SPDYE2B: variants seen among roughly 807,000 people sequenced by gnomAD.
SPDYE2B encodes speedy protein E2B.
At chr7:102,659,346 AT>A (rs1232811220) in intron 6 of SPDYE2B, among the ~76,000 whole-genome samples, 2 of 152,134 alleles carry the variant, frequency 1.3e-5, no homozygotes, top group Non-Finnish European at 2.9e-5. Flanking sequence ...TATTTCTTAC[AT>A]TTTTAATAGA....
rs1791944416 is a variant in SPDYE2B, at chr7:102,661,784, T to C, written c.*684T>C. Among the ~76,000 whole-genome samples, 1 of 7,884 alleles carries C rather than the reference T, an allele frequency of 1.3e-4. No homozygotes were observed. Among genetic ancestry groups the C allele is most frequent in the African/African-American group, 1.7e-4 (1 of 6,036 alleles). 5.2% of individuals were successfully genotyped at this position (7,884 alleles called of 152,430 possible). A position where few individuals can be genotyped will look rare whatever the true frequency, so the allele number is the denominator to read the frequency against. Reference sequence around the variant, plus strand: ...ATTCTTTTTATCCTAAATATTTTATTATCTTTAAATTTGTTTCTGTATTAT... The same window carrying C: ...ATTCTTTTTATCCTAAATATTTTATCATCTTTAAATTTGTTTCTGTATTAT... On this transcript the variant is annotated 3_prime_UTR_variant, in exon 9 of 9. Transcript: ENST00000507450.
At chr7:102,654,379 CAT>C (rs1791819769) in intron 3 of SPDYE2B, among the ~76,000 whole-genome samples, 1 of 129,858 alleles carries the variant, frequency 7.7e-6, no homozygotes, top group Non-Finnish European at 1.6e-5. Context: ...GGAAGGAGCA[CAT>C]GAGGAGGGTG....
In SPDYE2B at chr7:102,662,015, A is replaced by C. The variant is rs1251084715; in HGVS notation, c.*915A>C. ...CTCAGATATATATACTAACACGTCTAATATATACTATCTATTTTATTGGTT... is the reference window on the plus strand; with the variant it reads ...CTCAGATATATATACTAACACGTCTCATATATACTATCTATTTTATTGGTT... On this transcript the variant is annotated 3_prime_UTR_variant, in exon 9 of 9. Transcript: ENST00000507450. 3.0e-5 allele frequency among the ~76,000 whole-genome samples: 1 copy of C among 33,546 alleles called. No individual in the cohort carries two copies. The highest frequency in any genetic ancestry group is 5.3e-5 in the African/African-American group (1 of 18,828). 22.0% of individuals were successfully genotyped at this position (33,546 alleles called of 152,430 possible). A position where few individuals can be genotyped will look rare whatever the true frequency, so the allele number is the denominator to read the frequency against.
At chr7:102,659,031 AGTTTGTTT>A (rs1212790461) in intron 6 of SPDYE2B, among the ~76,000 whole-genome samples, 2 of 145,110 alleles carry the variant, frequency 1.4e-5, no homozygotes, top group African/African-American at 2.7e-5. Flanking sequence ...ACACCTGGAC[AGTTTGTTT>A]GTTTGTTTGT....
At chr7:102,656,534 C>T (rs1791883260) in intron 5 of SPDYE2B, among the ~76,000 whole-genome samples, 1 of 57,862 alleles carries the variant, frequency 1.7e-5, no homozygotes, top group African/African-American at 3.9e-5. Context: ...GCAGCCGATG[C>T]GTCCTGGGTT....
rs1279219862 is a variant in SPDYE2B at position 102,662,128 on chromosome 7, A to T, written c.*1028A>T. 7.2e-5 allele frequency among the ~76,000 whole-genome samples: 6 copies of T among 83,692 alleles called. 2 individuals carry two copies. The highest frequency in any genetic ancestry group is 1.4e-4 in the Non-Finnish European group (5 of 35,654). 54.9% of individuals were successfully genotyped at this position (83,692 alleles called of 152,430 possible). A position where few individuals can be genotyped will look rare whatever the true frequency, so the allele number is the denominator to read the frequency against. On this transcript the variant is annotated 3_prime_UTR_variant, in exon 9 of 9. Coordinates refer to ENST00000507450, the MANE Select transcript of SPDYE2B (RefSeq NM_001166339.2). ...AAATATATTTATTTATTTAAATATT[A>T]TTACTTTAAATATTATTTTAAATAT...
intron 4 of SPDYE2B, among the ~76,000 whole-genome samples, 187 bp from the exon 5 acceptor site, chr7:102,656,059 CAG>C (rs1791852665): frequency 9.1e-6 from 1 of 110,054 alleles, no homozygotes; most frequent in Non-Finnish European, 2.0e-5. Context: ...GGCCTCTTCT[CAG>C]GGGAGTCTCA....
At chr7:102,659,367 CTTGCTAT>C (rs1791932905) in intron 6 of SPDYE2B, among the ~76,000 whole-genome samples, 1 of 151,700 alleles carries the variant, frequency 6.6e-6, no homozygotes, top group Admixed American at 6.6e-5. Flanking sequence ...AGACGAGGGT[CTTGCTAT>C]GTTGCCCAGG....
chr7:102,654,366 T>C (rs1584227849), intron 3 of SPDYE2B, among the ~76,000 whole-genome samples: 1 of 126,436 alleles, frequency 7.9e-6, no homozygotes, highest in Admixed American at 7.8e-5. Flanking sequence ...GGCCCAGAAG[T>C]CAGGAAGGAG....
intron 4 of SPDYE2B, 71 bp from the exon 5 acceptor site, chr7:102,656,177 C>CCTGCTG: frequency 6.6e-6 from 1 of 151,964 alleles, no homozygotes; most frequent in South Asian, 3.8e-5. Context: ...GCACACTTCT[C>CCTGCTG]CTCACTGCCC....
At chr7:102,656,492 G>A (rs562424720) in intron 5 of SPDYE2B, among the ~76,000 whole-genome samples, 186 bp downstream of exon 5, 9 of 70,428 alleles carry the variant, frequency 1.3e-4, no homozygotes, top group African/African-American at 3.0e-4. Flanking sequence ...TGTTGCCCAG[G>A]CTGGAGGGCA....
At position 102,662,273 on chromosome 7, in the gene SPDYE2B, C is replaced by A. The variant is rs1328197972; in HGVS notation, c.*1173C>A. Among the ~76,000 whole-genome samples the A allele has an allele frequency of 1.6e-4, 4 of 24,552 alleles. No individual in the cohort carries two copies. Among genetic ancestry groups the A allele is most frequent in the Non-Finnish European group, 1.5e-4 (1 of 6,748 alleles). 16.1% of individuals were successfully genotyped at this position (24,552 alleles called of 152,430 possible). On this transcript the variant is annotated 3_prime_UTR_variant, in exon 9 of 9. Transcript: ENST00000507450. ...TTCCTTTTTAAGAGAGGATTCTTTT[C>A]ATCCTAAATCTTTTACCTTTCAATC...
Position 102,662,080 on chromosome 7 carries a change from TTTTA to T in SPDYE2B, c.*989_*992del, listed in dbSNP as rs1562817682. On this transcript the variant is annotated 3_prime_UTR_variant, in exon 9 of 9. Transcript: ENST00000507450. ...TGGGTATAGAATTATTTAAATATTA[TTTTA>T]TTTATTTAAATATTTATTAAATATA... Among the ~76,000 whole-genome samples, 8 of 75,316 alleles carry T rather than the reference TTTTA, an allele frequency of 1.1e-4. 2 individuals carry two copies. The highest frequency in any genetic ancestry group is 8.4e-4 in the Admixed American group (5 of 5,984). The allele number at this position is 75,316 out of a possible 152,430, so 49.4% of individuals were successfully genotyped here.
intron 5 of SPDYE2B, among the ~76,000 whole-genome samples, chr7:102,656,517 ACT>A (rs1304901530): frequency 3.5e-5 from 2 of 57,660 alleles, no homozygotes; most frequent in Non-Finnish European, 9.0e-5. Context: ...CTCGATCTTG[ACT>A]CACTGCAGCC....
chr7:102,659,088 A>G (rs1791922531), intron 6 of SPDYE2B, among the ~76,000 whole-genome samples: 1 of 152,064 alleles, frequency 6.6e-6, no homozygotes, highest in African/African-American at 2.4e-5. Context: ...TCAGGCTGGA[A>G]TGGAGTGGCC....
chr7:102,656,420 CTTTTT>C (rs1191321656), intron 5 of SPDYE2B, 114 bp downstream of exon 5: 16 of 229,732 alleles, frequency 7.0e-5, no homozygotes, highest in African/African-American at 4.2e-4. Flanking sequence ...CTCCTACAGT[CTTTTT>C]TTTTTTTTTT....
At chr7:102,657,242 G>A (rs1200858065) in intron 5 of SPDYE2B, among the ~76,000 whole-genome samples, 100 of 82,376 alleles carry the variant, frequency 1.2e-3, no homozygotes, top group East Asian at 6.9e-3. Flanking sequence ...TCAGCTCTTC[G>A]GGACAGTTCT....
In SPDYE2B at chr7:102,662,133, T is replaced by A. The variant is rs1427252804; in HGVS notation, c.*1033T>A. ...TATTTATTTATTTAAATATTATTAC[T>A]TTAAATATTATTTTAAATATTTTGG... On this transcript the variant is annotated 3_prime_UTR_variant, in exon 9 of 9. Transcript: ENST00000507450. 2.4e-5 allele frequency among the ~76,000 whole-genome samples: 2 copies of A among 84,158 alleles called. No homozygotes were observed. The highest frequency in any genetic ancestry group is 3.3e-5 in the African/African-American group (1 of 29,996). The allele number at this position is 84,158 out of a possible 152,430, so 55.2% of individuals were successfully genotyped here. A position where few individuals can be genotyped will look rare whatever the true frequency, so the allele number is the denominator to read the frequency against.
At position 102,662,074 on chromosome 7, in the gene SPDYE2B, A is replaced by G. The variant is rs1406344290; in HGVS notation, c.*974A>G. 1.3e-4 allele frequency among the ~76,000 whole-genome samples: 9 copies of G among 71,946 alleles called. 3 individuals carry two copies. Among genetic ancestry groups the G allele is most frequent in the Admixed American group, 3.6e-4 (2 of 5,614 alleles). 47.2% of individuals were successfully genotyped at this position (71,946 alleles called of 152,430 possible). A position where few individuals can be genotyped will look rare whatever the true frequency, so the allele number is the denominator to read the frequency against. On this transcript the variant is annotated 3_prime_UTR_variant, in exon 9 of 9. Transcript: ENST00000507450. Reference sequence around the variant, plus strand: ...AAAACATGGGTATAGAATTATTTAAATATTATTTTATTTATTTAAATATTT... The same window carrying G: ...AAAACATGGGTATAGAATTATTTAAGTATTATTTTATTTATTTAAATATTT...
Sources: allele counts gnomAD v4.1 joint callset (sites outside exome capture counted in the v4.1 genomes callset), GRCh38; gene constraint gnomAD v4.1.1; transcripts MANE v1.5; gene names NCBI Gene and HGNC (gene_info 2026-07-23, HGNC 2026-07-21).